The following ZNF133 variants were observed in gnomAD, a reference collection of about 807,000 sequenced individuals.
The protein encoded by ZNF133 is zinc finger protein 133, also known as zinc finger protein 133 (clone pHZ-13).
Under a neutral mutation model 54.9 loss-of-function variants are expected in ZNF133, and 26 were observed. That is an observed-to-expected ratio of 0.47 (90% CI 0.35 to 0.66). The LOEUF is 0.66. Ranked by LOEUF, ZNF133 falls within the 30% of genes least tolerant of loss-of-function variation. The pLI, the probability that ZNF133 is intolerant of heterozygous loss-of-function variation, is 0.01. For missense variants in ZNF133, 653 were observed against 820.8 expected (o/e 0.80, Z 2.50); for synonymous variants, 298 against 320.3 (o/e 0.93, Z 0.74).
In ZNF133 at chr20:18,315,645, C is replaced by T. The variant is rs1230201317; in HGVS notation, c.794C>T (p.Ser265Leu). The change falls in exon 7 of 7, where the codon TCG (serine) becomes TTG (leucine). Residue 265 changes from serine to leucine, a missense_variant. Transcript: ENST00000425686. ...CTCGCCAGACACCAGAAGGCACACTCGGGGGAGAAGCCAATTGTGTGCAGG... is the reference window on the plus strand; with the variant it reads ...CTCGCCAGACACCAGAAGGCACACTTGGGGGAGAAGCCAATTGTGTGCAGG... Reference protein sequence around the residue: ...KSLARHQKAHSGEKPIVCREC... With the variant: ...KSLARHQKAHLGEKPIVCREC... The T allele has an allele frequency of 9.9e-6, 16 of 1,613,830 alleles. No individual in the cohort carries two copies. Among genetic ancestry groups the T allele is most frequent in the South Asian group, 2.2e-5 (2 of 91,082 alleles).
At chr20:18,310,191 A>C in intron 6 of ZNF133, 1 of 1,424,444 alleles carries the variant, frequency 7.0e-7, no homozygotes. Context: ...TCTTACAATG[A>C]TGTTGAGCAC....
At chr20:18,294,610 GT>G (rs56263935) in intron 1 of ZNF133, among the ~76,000 whole-genome samples, 52,301 of 151,660 alleles carry the variant, frequency 0.34, 9,181 homozygotes, top group Middle Eastern at 0.38. Flanking sequence ...TCTAAAATTT[GT>G]TACAAAATAA....
chr20:18,309,049 G>A (rs2045290241), intron 6 of ZNF133, among the ~76,000 whole-genome samples: 1 of 152,122 alleles, frequency 6.6e-6, no homozygotes, highest in South Asian at 2.1e-4. Context: ...ACTTACAGAT[G>A]GCCACCTTCC....
chr20:18,299,080 AC>A (rs1292611761), intron 3 of ZNF133, among the ~76,000 whole-genome samples: 2 of 152,290 alleles, frequency 1.3e-5, no homozygotes, highest in East Asian at 3.9e-4. Flanking sequence ...GGAAAATATG[AC>A]CCATTCAAAG....
rs146905179 is a variant in ZNF133, at chr20:18,315,709, C to A, written c.858C>A (p.Ile286=). The change falls in exon 7 of 7, where the codon ATC becomes ATA. Residue 286 remains isoleucine (I), a synonymous_variant. Coordinates refer to ENST00000425686, the MANE Select transcript of ZNF133 (RefSeq NM_001352452.2). ...GCTTTAACCGGAAGTCAACGCTAAT[C>A]ATACACGAACGGACACACTCCGGTG... The part of the protein sequence containing the change: ...GRGFNRKSTL[I]IHERTHSGEK... 1.9e-6 allele frequency: 3 copies of A among 1,613,892 alleles called. No homozygotes were observed. Among genetic ancestry groups the A allele is most frequent in the Middle Eastern group, 1.6e-4 (1 of 6,062 alleles).
intron 6 of ZNF133, among the ~76,000 whole-genome samples, chr20:18,309,867 A>G (rs563431135): frequency 1.3e-5 from 2 of 152,296 alleles, no homozygotes; most frequent in East Asian, 3.9e-4. Flanking sequence ...TCTTACAAAA[A>G]TCTTCCTCTC....
intron 6 of ZNF133, chr20:18,310,245 T>A: frequency 6.5e-7 from 1 of 1,529,652 alleles, no homozygotes; most frequent in Non-Finnish European, 8.7e-7. Context: ...GTCATTGTGG[T>A]TGCCCAGGAA....
chr20:18,295,190 C>T lies in ZNF133; in HGVS notation c.-431-2795C>T, dbSNP rs532237888. The stretch of plus-strand genomic sequence containing the variant: ...CTTTTAAGAAGATGTTTTTTGGTGA[C>T]TTTGCCTTTCTTATTTCTTATTTTG... On this transcript the variant is annotated intron_variant, in intron 1 of 6. Coordinates refer to ENST00000425686, the MANE Select transcript of ZNF133 (RefSeq NM_001352452.2). 13 of 152,344 alleles carry T rather than the reference C, an allele frequency of 8.5e-5. No individual in the cohort carries two copies. In the East Asian group the frequency reaches 2.5e-3, roughly 29 times the overall value. 9.4% of individuals were successfully genotyped at this position (152,344 alleles called of 1,614,324 possible). A position where few individuals can be genotyped will look rare whatever the true frequency, so the allele number is the denominator to read the frequency against.
intron 3 of ZNF133, among the ~76,000 whole-genome samples, chr20:18,301,167 C>G (rs1022846896): frequency 6.6e-6 from 1 of 152,066 alleles, no homozygotes; most frequent in African/African-American, 2.4e-5. Context: ...AATTAAAGAA[C>G]ATACTCTTAA....
chr20:18,295,370 C>T (rs1258580509), intron 1 of ZNF133: 1 of 152,332 alleles, frequency 6.6e-6, no homozygotes, highest in African/African-American at 2.4e-5. Flanking sequence ...AAGAGGATAC[C>T]CACCTAGCCA....
intron 3 of ZNF133, among the ~76,000 whole-genome samples, chr20:18,299,943 T>C (rs6035015): frequency 0.05 from 7,597 of 152,200 alleles, 658 homozygotes; most frequent in African/African-American, 0.17. Flanking sequence ...ACAAGAAATA[T>C]TAACAAGAGT....
intron 6 of ZNF133, among the ~76,000 whole-genome samples, chr20:18,311,922 G>T (rs1477954276): frequency 1.3e-5 from 2 of 152,168 alleles, no homozygotes; most frequent in Non-Finnish European, 2.9e-5. Flanking sequence ...GGCAATATTA[G>T]CCTATCTGAT....
In ZNF133 at chr20:18,316,219, C is replaced by A; in HGVS notation, c.1368C>A (p.His456Gln). 6.2e-7 allele frequency: 1 copy of A among 1,608,070 alleles called. No homozygotes were observed. ...GFSLKSHLNR[H>Q]QNIHSGEKPI... ...GTCTCAAGTCACACCTCAACAGACA[C>A]CAGAACATACACTCAGGAGAGAAGC... The change falls in exon 7 of 7, where the codon CAC (histidine) becomes CAA (glutamine). Residue 456 changes from histidine to glutamine, a missense_variant. His to Gln is a conservative substitution (Grantham distance 24). This residue lies in a region of ZNF133 where 292 missense variants were observed against 431.6 expected (regional missense o/e 0.68). Transcript: ENST00000425686.
chr20:18,306,927 A>G (rs951586300), intron 6 of ZNF133: 3 of 341,870 alleles, frequency 8.8e-6, no homozygotes, highest in African/African-American at 6.7e-5. Context: ...ACTATCTTTA[A>G]GAAAAAGTTT....
At position 18,289,738 on chromosome 20, in the gene ZNF133, G is replaced by A. The variant is rs140498723; in HGVS notation, c.-432+1134G>A. Among the ~76,000 whole-genome samples the A allele has an allele frequency of 5.7e-3, 870 of 152,302 alleles. 3 individuals carry two copies. The highest frequency in any genetic ancestry group is 8.3e-3 in the Non-Finnish European group (567 of 68,026). ...TGTAACAGTCTCTGGTGTATACTAA[G>A]TGTTCAGTGAATATTACCTTTCATT... On this transcript the variant is annotated intron_variant, in intron 1 of 6. Coordinates refer to ENST00000425686, the MANE Select transcript of ZNF133 (RefSeq NM_001352452.2).
chr20:18,292,069 C>T (rs1475705717), intron 1 of ZNF133, among the ~76,000 whole-genome samples: 1 of 152,124 alleles, frequency 6.6e-6, no homozygotes, highest in African/African-American at 2.4e-5. Flanking sequence ...CTCTTATACC[C>T]TCATCCACAC....
At chr20:18,310,049 A>T in intron 6 of ZNF133, 1 of 1,020,704 alleles carries the variant, frequency 9.8e-7, no homozygotes, top group Non-Finnish European at 1.3e-6. Context: ...GTGTTTTCTC[A>T]ACCTGAAAAG....
At position 18,298,128 on chromosome 20, in the gene ZNF133, C is replaced by G. The variant is rs762431714; in HGVS notation, c.-354+66C>G. On this transcript the variant is annotated intron_variant, in intron 2 of 6. Coordinates refer to ENST00000425686, the MANE Select transcript of ZNF133 (RefSeq NM_001352452.2). ...GACACATTCCCTTCTCTTACCCTGA[C>G]TGCCTTATTGGTGCCTAGTAGAGTT... 2.2e-5 allele frequency: 34 copies of G among 1,534,178 alleles called. No homozygotes were observed. The African/African-American group carries it at 4.5e-4, about 20-fold the overall frequency.
In ZNF133 at chr20:18,305,490, G is replaced by A. The variant is rs1287358608; in HGVS notation, c.-6-191G>A. Among the ~76,000 whole-genome samples the A allele has an allele frequency of 1.3e-5, 2 of 152,152 alleles. No individual in the cohort carries two copies. Among genetic ancestry groups the A allele is most frequent in the Non-Finnish European group, 2.9e-5 (2 of 68,032 alleles). The stretch of plus-strand genomic sequence containing the variant: ...ACCCTGTGTGGCCCCCCAGGATCTT[G>A]ACTGTATGGGTTCACAAATGCCACT... On this transcript the variant is annotated intron_variant, in intron 4 of 6. Transcript: ENST00000425686. The surrounding 1 kb of genome is among the most constrained non-coding windows in gnomAD (Gnocchi z 4.7).
Sources: gnomAD v4.1 joint callset for allele counts (sites outside exome capture counted in the v4.1 genomes callset) on GRCh38, gnomAD v4.1.1 for gene constraint, gnomAD v4.1.1 regional missense constraint, Gnocchi (gnomAD v3.1) non-coding constraint, MANE v1.5 for transcripts, NCBI Gene and HGNC (gene_info 2026-07-23, HGNC 2026-07-21) for gene names.